The following THSD7A variants were observed in gnomAD, a reference collection of about 807,000 sequenced individuals.
The protein encoded by THSD7A is thrombospondin type 1 domain containing 7A.
THSD7A carries 96 observed loss-of-function variants against 231.3 expected under a neutral mutation model. The observed-to-expected ratio is 0.41, with a 90% CI of 0.35 to 0.49. THSD7A has a LOEUF of 0.49. THSD7A is among the 20% of genes least tolerant of loss of function. THSD7A has a pLI of 0.05. For missense variants in THSD7A, 2,290 were observed against 2,070.2 expected, an observed-to-expected ratio of 1.11 and a Z score of -2.06; for synonymous variants, 940 against 743.3, an observed-to-expected ratio of 1.26 and a Z score of -4.30.
In THSD7A at chr7:11,440,707, A is replaced by G. The variant is rs1382048602; in HGVS notation, c.3064+5354T>C. Among the ~76,000 whole-genome samples, 3 of 152,072 alleles carry G rather than the reference A, an allele frequency of 2.0e-5. No individual in the cohort carries two copies. The East Asian group carries it at 5.8e-4, about 29-fold the overall frequency. ...GACTGGATTGCTGCAATCTCATGATAACACTTGAAGAGATGAGGAATTGCT... is the reference window on the plus strand; with the variant it reads ...GACTGGATTGCTGCAATCTCATGATGACACTTGAAGAGATGAGGAATTGCT... On this transcript the variant is annotated intron_variant, in intron 13 of 27. Coordinates refer to ENST00000423059, the MANE Select transcript of THSD7A (RefSeq NM_015204.3).
chr7:11,745,741 G>C (rs1782278149), intron 1 of THSD7A, among the ~76,000 whole-genome samples: 1 of 152,044 alleles, frequency 6.6e-6, no homozygotes, highest in Non-Finnish European at 1.5e-5. Flanking sequence ...GTTTGTCAAA[G>C]ATCAGATAGT....
At chr7:11,398,867 T>C (rs1452514087) in intron 23 of THSD7A, among the ~76,000 whole-genome samples, 1 of 152,206 alleles carries the variant, frequency 6.6e-6, no homozygotes, top group Non-Finnish European at 1.5e-5. Flanking sequence ...GTAATTGACA[T>C]TGTGGACTTA....
chr7:11,561,309 A>G (rs1476643886), intron 4 of THSD7A, among the ~76,000 whole-genome samples: 1 of 152,202 alleles, frequency 6.6e-6, no homozygotes, highest in East Asian at 1.9e-4. Flanking sequence ...ACATAATATG[A>G]TTGAGGCTAT....
intron 1 of THSD7A, among the ~76,000 whole-genome samples, chr7:11,720,791 C>T (rs1000021959): frequency 4.0e-5 from 6 of 151,706 alleles, no homozygotes; most frequent in Non-Finnish European, 1.5e-5. Flanking sequence ...GACATCTTCA[C>T]AACTGTCTCT....
intron 1 of THSD7A, among the ~76,000 whole-genome samples, chr7:11,825,775 C>T (rs557199081): frequency 6.6e-6 from 1 of 152,228 alleles, no homozygotes; most frequent in South Asian, 2.1e-4. Flanking sequence ...TATTTTCCAT[C>T]CATGATGCCC....
intron 8 of THSD7A, among the ~76,000 whole-genome samples, chr7:11,473,292 C>A (rs898576762): frequency 6.6e-6 from 1 of 152,034 alleles, no homozygotes; most frequent in Admixed American, 6.6e-5. Context: ...TAAGGAGTAG[C>A]TGAAATTCTT....
intron 1 of THSD7A, among the ~76,000 whole-genome samples, chr7:11,648,055 A>G (rs1037747882): frequency 4.6e-5 from 7 of 152,110 alleles, no homozygotes; most frequent in African/African-American, 1.7e-4. Flanking sequence ...GAACACTCAT[A>G]TGCAATTTAT....
At chr7:11,738,873 C>T (rs1782008780) in intron 1 of THSD7A, among the ~76,000 whole-genome samples, 1 of 151,928 alleles carries the variant, frequency 6.6e-6, no homozygotes. Flanking sequence ...CACAGTGAGA[C>T]CCACTTCAGA....
At chr7:11,389,420 G>C (rs1209987782) in intron 23 of THSD7A, among the ~76,000 whole-genome samples, 10 of 54,548 alleles carry the variant, frequency 1.8e-4, no homozygotes, top group Admixed American at 7.4e-4. Flanking sequence ...TGCAACTCCT[G>C]CTTTTTTTTT....
In THSD7A at chr7:11,442,766, G is replaced by A. The variant is rs559607765; in HGVS notation, c.3064+3295C>T. Among the ~76,000 whole-genome samples the A allele has an allele frequency of 9.2e-5, 14 of 152,082 alleles. 1 individual carries two copies. The South Asian group carries it at 2.9e-3, about 32-fold the overall frequency. ...TTAGTAAACACTAAAATATCAATTG[G>A]ACATTCCGTCAGATACCAGATTGAG... On this transcript the variant is annotated intron_variant, in intron 13 of 27. Coordinates refer to ENST00000423059, the MANE Select transcript of THSD7A (RefSeq NM_015204.3).
intron 4 of THSD7A, among the ~76,000 whole-genome samples, chr7:11,589,643 T>G (rs1056712090): frequency 3.3e-5 from 5 of 152,174 alleles, no homozygotes; most frequent in Non-Finnish European, 7.4e-5. Flanking sequence ...ATTGTATATG[T>G]TAATATACGT....
At chr7:11,736,747 G>C (rs1277621235) in intron 1 of THSD7A, among the ~76,000 whole-genome samples, 5 of 151,872 alleles carry the variant, frequency 3.3e-5, no homozygotes, top group African/African-American at 1.2e-4. Context: ...ACACATTCTG[G>C]CTTTCAAAGA....
At chr7:11,698,912 T>C (rs1212892402) in intron 1 of THSD7A, among the ~76,000 whole-genome samples, 1 of 151,316 alleles carries the variant, frequency 6.6e-6, no homozygotes, top group Non-Finnish European at 1.5e-5. Context: ...TTTCTTATTC[T>C]TTATAAAAAT....
intron 6 of THSD7A, among the ~76,000 whole-genome samples, chr7:11,526,543 G>A (rs574551313): frequency 3.9e-4 from 60 of 152,134 alleles, no homozygotes; most frequent in Non-Finnish European, 7.1e-4. Flanking sequence ...TATTAATGCA[G>A]GTGTAATGCC....
At chr7:11,554,227 G>A (rs1348715866) in intron 4 of THSD7A, among the ~76,000 whole-genome samples, 3 of 151,986 alleles carry the variant, frequency 2.0e-5, no homozygotes, top group African/African-American at 7.2e-5. Context: ...AGTTGATGAG[G>A]TCTTACCGGA....
intron 4 of THSD7A, among the ~76,000 whole-genome samples, chr7:11,573,507 T>TTA (rs1790741556): frequency 1.3e-5 from 2 of 152,228 alleles, no homozygotes; most frequent in Admixed American, 6.5e-5. Context: ...ATTTTGAAGC[T>TTA]CAGTTCACAA....
rs970743113 is a variant in THSD7A at position 11,730,226 on chromosome 7, T to G, written c.191-93265A>C. Among the ~76,000 whole-genome samples, 6 of 151,770 alleles carry G rather than the reference T, an allele frequency of 4.0e-5. No homozygotes were observed. In the East Asian group the frequency reaches 1.2e-3, roughly 30 times the overall value. On this transcript the variant is annotated intron_variant, in intron 1 of 27. Coordinates refer to ENST00000423059, the MANE Select transcript of THSD7A (RefSeq NM_015204.3). Reference sequence around the variant, plus strand: ...ACAAAATGTTTAATCAGAATTAAAATTTAAAAATGAAGCATATTTTTAGAA... The same window carrying G: ...ACAAAATGTTTAATCAGAATTAAAAGTTAAAAATGAAGCATATTTTTAGAA...
rs746118673 is a variant in THSD7A, at chr7:11,375,762, C to T, written c.*32G>A. ...CTGGACATCTATGAAGTCAGAAAGC[C>T]GAAACTGGTTGTTGCCAGGAAAAGT... On this transcript the variant is annotated 3_prime_UTR_variant, in exon 28 of 28. Transcript: ENST00000423059. The T allele has an allele frequency of 5.9e-5, 94 of 1,596,410 alleles. No homozygotes were observed. Among genetic ancestry groups the T allele is most frequent in the South Asian group, 5.7e-4 (51 of 89,910 alleles).
intron 15 of THSD7A, among the ~76,000 whole-genome samples, chr7:11,425,070 T>C (rs1438449385): frequency 6.6e-6 from 1 of 152,170 alleles, no homozygotes; most frequent in East Asian, 1.9e-4. Context: ...ATCCACTGGA[T>C]CACATTAGAT....
Sources: gnomAD v4.1 joint callset for allele counts (sites outside exome capture counted in the v4.1 genomes callset) on GRCh38, gnomAD v4.1.1 for gene constraint, MANE v1.5 for transcripts, NCBI Gene and HGNC (gene_info 2026-07-23, HGNC 2026-07-21) for gene names.